Variants in DET1 observed in about 807,000 individuals in gnomAD.
DET1 encodes the protein DET1 partner of COP1 E3 ubiquitin ligase.
In DET1, 22 loss-of-function variants were observed where a neutral mutation model predicts 43.7. The ratio of observed to expected loss-of-function variants is 0.50; its 90% confidence interval spans 0.36 to 0.72. The LOEUF is 0.72. DET1 is among the 30% of genes least tolerant of loss of function. DET1 has a pLI of 0.00. For synonymous variants in DET1, 315 were observed against 266.2 expected, an observed-to-expected ratio of 1.18 and a Z score of -1.79; for missense variants, 713 against 713.3, an observed-to-expected ratio of 1.00 and a Z score of 0.00.
At chr15:88,507,734 A>T (rs184170474), downstream of DET1, among the ~76,000 whole-genome samples, 1 of 152,346 alleles carries the variant, frequency 6.6e-6, no homozygotes, top group Admixed American at 6.5e-5. Flanking sequence ...CGTACTCAAA[A>T]AGAATCCACC....
intron 2 of DET1, among the ~76,000 whole-genome samples, chr15:88,528,423 T>C (rs1044896635): frequency 6.6e-6 from 1 of 152,204 alleles, no homozygotes; most frequent in African/African-American, 2.4e-5. Context: ...AAATGAAAAA[T>C]CAGATAGGCG....
chr15:88,522,807 C>T (rs746651427), intron 3 of DET1, among the ~76,000 whole-genome samples: 3 of 151,726 alleles, frequency 2.0e-5, no homozygotes, highest in Non-Finnish European at 4.4e-5. Context: ...CATGAGCCAC[C>T]GCGCACCCGG....
chr15:88,544,367 C>T (rs1350140031), intron 1 of DET1, among the ~76,000 whole-genome samples: 1 of 152,136 alleles, frequency 6.6e-6, no homozygotes, highest in Non-Finnish European at 1.5e-5. Flanking sequence ...AGGTTCTCAC[C>T]TTTTAAAATC....
rs747856922 is a variant in DET1 at position 88,531,021 on chromosome 15, G to A, written c.685C>T (p.Leu229=). The A allele has an allele frequency of 6.2e-7, 1 of 1,613,588 alleles. No homozygotes were observed. Among genetic ancestry groups the A allele is most frequent in the Non-Finnish European group, 8.5e-7 (1 of 1,179,644 alleles). ...TGTTGTTGCACAGACAAGATGGCCAGGATGTTTTTGTACAAGTACAGCCCT... is the reference window on the plus strand; with the variant it reads ...TGTTGTTGCACAGACAAGATGGCCAAGATGTTTTTGTACAAGTACAGCCCT... ...NQGLYLYKNI[L]AILSVQQQTI... Residue 229 remains leucine, a synonymous_variant, in exon 2 of 5, where the codon CTG becomes TTG. Coordinates refer to ENST00000268148, the MANE Select transcript of DET1 (RefSeq NM_001144074.3). The surrounding 1 kb of genome is among the most constrained non-coding windows in gnomAD (Gnocchi z 6.2).
At position 88,529,213 on chromosome 15, in the gene DET1, C is replaced by T. The variant is rs370733895; in HGVS notation, c.1083+1410G>A. 7.0e-4 allele frequency among the ~76,000 whole-genome samples: 107 copies of T among 152,320 alleles called. No individual in the cohort carries two copies. In the South Asian group the frequency reaches 0.02, roughly 29 times the overall value. On this transcript the variant is annotated intron_variant, in intron 2 of 4. Coordinates refer to ENST00000268148, the MANE Select transcript of DET1 (RefSeq NM_001144074.3). ...AATAAAAAGGTAATTATAGCTCAAA[C>T]CTAAACAAAAGATTGATTCATGTCC...
chr15:88,509,847 GGA>G (rs1442197935), downstream of DET1, among the ~76,000 whole-genome samples: 2 of 152,178 alleles, frequency 1.3e-5, no homozygotes, highest in African/African-American at 2.4e-5. Context: ...TGATCCTAAT[GGA>G]GAGTCTCCTC....
At chr15:88,514,810 A>T (rs1051740326) in intron 4 of DET1, among the ~76,000 whole-genome samples, 2 of 152,226 alleles carry the variant, frequency 1.3e-5, no homozygotes, top group Non-Finnish European at 2.9e-5. Flanking sequence ...ATATCCTTAT[A>T]TTTCTCATTT....
Position 88,524,783 on chromosome 15 carries a change from T to C in DET1, c.1271+2816A>G, listed in dbSNP as rs893426922. ...CTTAAGAGTCATCACCACTCCCTAA[T>C]CTCAAGTACCCAGGGACACAAACAC... On this transcript the variant is annotated intron_variant, in intron 3 of 4. Coordinates refer to ENST00000268148, the MANE Select transcript of DET1 (RefSeq NM_001144074.3). Among the ~76,000 whole-genome samples, 3 of 151,982 alleles carry C rather than the reference T, an allele frequency of 2.0e-5. No homozygotes were observed. The South Asian group carries it at 6.2e-4, about 32-fold the overall frequency.
chr15:88,527,540 A>G (rs768749666), intron 3 of DET1, 59 bp downstream of exon 3: 20 of 1,470,946 alleles, frequency 1.4e-5, no homozygotes, highest in Non-Finnish European at 1.7e-5. Context: ...GACAACAGCT[A>G]TTGGCCTAAC....
chr15:88,539,222 C>G (rs2057031924), intron 1 of DET1, among the ~76,000 whole-genome samples: 1 of 151,836 alleles, frequency 6.6e-6, no homozygotes. Flanking sequence ...TTGCATTTGT[C>G]TTCCAGTTTG....
chr15:88,539,734 T>G (rs1008777294), intron 1 of DET1, among the ~76,000 whole-genome samples: 1 of 152,112 alleles, frequency 6.6e-6, no homozygotes, highest in African/African-American at 2.4e-5. Flanking sequence ...AAGTAAGGTG[T>G]TGTTACAGGA....
chr15:88,521,610 C>G (rs758288831), intron 3 of DET1, among the ~76,000 whole-genome samples: 2 of 152,234 alleles, frequency 1.3e-5, no homozygotes, highest in Non-Finnish European at 2.9e-5. Flanking sequence ...GAGAGGTAAT[C>G]TTTTCAGACT....
intron 8 of DET1, chr15:88,503,486 A>G (rs1476336630): frequency 6.6e-6 from 1 of 152,220 alleles, no homozygotes; most frequent in Admixed American, 6.5e-5. Context: ...AGAGATTTAA[A>G]TGAATTCTGA....
rs140927930 is a variant in DET1 at position 88,536,622 on chromosome 15, A to G, written c.-10-4907T>C. Among the ~76,000 whole-genome samples, 577 of 152,084 alleles carry G rather than the reference A, an allele frequency of 3.8e-3. 2 individuals are homozygous for G. The highest frequency in any genetic ancestry group is 0.013 in the African/African-American group (543 of 41,476). ...GTGAAACTCCATCTCTACTAAAAATACAAAAATTAGCTGGGCATGGTGGCG... is the reference window on the plus strand; with the variant it reads ...GTGAAACTCCATCTCTACTAAAAATGCAAAAATTAGCTGGGCATGGTGGCG... On this transcript the variant is annotated intron_variant, in intron 1 of 4. Transcript: ENST00000268148.
downstream of DET1, chr15:88,511,466 G>C (rs759639598): frequency 1.0e-6 from 1 of 985,346 alleles, no homozygotes; most frequent in Non-Finnish European, 1.2e-6. Flanking sequence ...TATATGCTGG[G>C]CCTCTCCTTG....
intron 3 of DET1, among the ~76,000 whole-genome samples, chr15:88,526,159 T>A (rs964568654): frequency 6.6e-6 from 1 of 152,262 alleles, no homozygotes; most frequent in Non-Finnish European, 1.5e-5. Context: ...GTTGTCTGAA[T>A]TCAATAGCCA....
At chr15:88,518,033 G>C (rs998442822) in intron 3 of DET1, among the ~76,000 whole-genome samples, 1 of 151,908 alleles carries the variant, frequency 6.6e-6, no homozygotes, top group Admixed American at 6.5e-5. Context: ...ACCTCTCCTG[G>C]GCTCAAGCAA....
chr15:88,538,214 C>T (rs889321447), intron 1 of DET1, among the ~76,000 whole-genome samples: 2 of 151,846 alleles, frequency 1.3e-5, no homozygotes, highest in African/African-American at 4.8e-5. Context: ...TCCATCTTGG[C>T]TCTTTCACTG....
chr15:88,526,068 G>T (rs17196732), intron 3 of DET1, among the ~76,000 whole-genome samples: 66,303 of 151,896 alleles, frequency 0.44, 15,453 homozygotes, highest in East Asian at 0.65. Flanking sequence ...CCCATGTTCT[G>T]CATCTAAAAA....
Sources: gnomAD v4.1 joint callset for allele counts (sites outside exome capture counted in the v4.1 genomes callset) on GRCh38, gnomAD v4.1.1 for gene constraint, Gnocchi (gnomAD v3.1) non-coding constraint, MANE v1.5 for transcripts, NCBI Gene and HGNC (gene_info 2026-07-23, HGNC 2026-07-21) for gene names.